TBC1D5: variants seen among roughly 807,000 people sequenced by gnomAD.
TBC1D5 encodes the protein TBC1 domain family, member 5.
TBC1D5 carries 75 observed loss-of-function variants against 100.3 expected under a neutral mutation model. The observed-to-expected ratio is 0.75, with a 90% CI of 0.62 to 0.91. The LOEUF (loss-of-function observed/expected upper bound fraction) is 0.91. Ranked by LOEUF, TBC1D5 falls within the 40% of genes least tolerant of loss-of-function variation. The pLI, the probability that TBC1D5 is intolerant of heterozygous loss-of-function variation, is 0.00. For missense variants in TBC1D5, 910 were observed against 942.4 expected, an observed-to-expected ratio of 0.97 and a Z score of 0.45; for synonymous variants, 323 against 325.6, an observed-to-expected ratio of 0.99 and a Z score of 0.09.
chr3:17,301,563 G>A (rs2082837843), intron 14 of TBC1D5, among the ~76,000 whole-genome samples: 1 of 152,138 alleles, frequency 6.6e-6, no homozygotes, highest in African/African-American at 2.4e-5. Context: ...TTGTAATGTG[G>A]TTCTGGTACC....
At chr3:17,391,208 C>T (rs1331519966) in intron 8 of TBC1D5, among the ~76,000 whole-genome samples, 2 of 152,104 alleles carry the variant, frequency 1.3e-5, no homozygotes, top group Non-Finnish European at 2.9e-5. Flanking sequence ...GGCATAAAAA[C>T]GACATAGCTT....
chr3:17,165,263 T>C (rs2066479647), intron 21 of TBC1D5, among the ~76,000 whole-genome samples: 1 of 152,234 alleles, frequency 6.6e-6, no homozygotes, highest in Admixed American at 6.5e-5. Context: ...AATCATTAAG[T>C]TCTAAATTTA....
At chr3:17,262,662 T>C (rs1488775470) in intron 15 of TBC1D5, among the ~76,000 whole-genome samples, 1 of 151,822 alleles carries the variant, frequency 6.6e-6, no homozygotes, top group Non-Finnish European at 1.5e-5. Context: ...TTTGTATTTT[T>C]AGTAGAGATG....
chr3:17,246,282 CCTAA>C (rs1190851140), intron 16 of TBC1D5, among the ~76,000 whole-genome samples: 3 of 151,902 alleles, frequency 2.0e-5, no homozygotes, highest in Non-Finnish European at 4.4e-5. Flanking sequence ...TTAAAGATGA[CCTAA>C]CTAAAGGATG....
chr3:17,638,899 T>C (rs557359414), intron 1 of TBC1D5, among the ~76,000 whole-genome samples: 36 of 152,210 alleles, frequency 2.4e-4, no homozygotes, highest in Non-Finnish European at 4.7e-4. Flanking sequence ...ATGGGGATCC[T>C]CATACATTGT....
chr3:17,354,315 C>A (rs917089173), intron 13 of TBC1D5, among the ~76,000 whole-genome samples: 16 of 152,108 alleles, frequency 1.1e-4, no homozygotes, highest in African/African-American at 3.9e-4. Context: ...CATTTACAAA[C>A]CTCTCCTTCT....
chr3:17,596,700 C>CAAAAA (rs34625799), intron 2 of TBC1D5, among the ~76,000 whole-genome samples: 2,247 of 44,824 alleles, frequency 0.05, 44 homozygotes, highest in Non-Finnish European at 0.084. Flanking sequence ...GACTCCATCT[C>CAAAAA]AAAAAAAAAA....
intron 15 of TBC1D5, among the ~76,000 whole-genome samples, chr3:17,290,840 G>A (rs1181188720): frequency 6.6e-6 from 1 of 152,154 alleles, no homozygotes; most frequent in African/African-American, 2.4e-5. Flanking sequence ...TAATGAAACT[G>A]CTTTGTGTAA....
At chr3:17,184,986 G>T in intron 19 of TBC1D5, 123 bp downstream of exon 20, 1 of 701,448 alleles carries the variant, frequency 1.4e-6, no homozygotes, top group Non-Finnish European at 2.3e-6. Flanking sequence ...TTATATAGCT[G>T]TTGTAAGGAT....
At chr3:17,447,552 A>G (rs1192536947) in intron 3 of TBC1D5, among the ~76,000 whole-genome samples, 1 of 152,248 alleles carries the variant, frequency 6.6e-6, no homozygotes, top group Non-Finnish European at 1.5e-5. Context: ...AGAAAGCTAA[A>G]GCTCCCACCT....
chr3:17,437,046 T>C (rs964238049), intron 3 of TBC1D5, among the ~76,000 whole-genome samples: 21 of 151,740 alleles, frequency 1.4e-4, no homozygotes, highest in African/African-American at 4.8e-4. Context: ...AGGAGAGCTC[T>C]ACACTTATGA....
At chr3:17,730,043 G>A (rs1413604734) in intron 1 of TBC1D5, among the ~76,000 whole-genome samples, 6 of 151,726 alleles carry the variant, frequency 4.0e-5, no homozygotes, top group Admixed American at 1.3e-4. Context: ...CCAGAGAGGC[G>A]GAGGTTGCAG....
At chr3:17,685,787 T>C (rs1239245781) in intron 1 of TBC1D5, among the ~76,000 whole-genome samples, 1 of 152,094 alleles carries the variant, frequency 6.6e-6, no homozygotes, top group Non-Finnish European at 1.5e-5. Flanking sequence ...AACTTACACT[T>C]CTTTTTCAAA....
At chr3:17,280,480 A>G (rs1157002986) in intron 15 of TBC1D5, among the ~76,000 whole-genome samples, 1 of 151,956 alleles carries the variant, frequency 6.6e-6, no homozygotes, top group Admixed American at 6.6e-5. Flanking sequence ...ACCCATAAAA[A>G]CCCCAGGTTC....
At chr3:17,455,105 T>C (rs2095027571) in intron 3 of TBC1D5, among the ~76,000 whole-genome samples, 1 of 148,284 alleles carries the variant, frequency 6.7e-6, no homozygotes, top group Non-Finnish European at 1.5e-5. Flanking sequence ...CTAAAATGTA[T>C]ATGGAACCAC....
chr3:17,453,059 CCAG>C lies in TBC1D5; in HGVS notation c.98-24543_98-24541del, dbSNP rs557944853. Among the ~76,000 whole-genome samples, 36 of 146,758 alleles carry C rather than the reference CCAG, an allele frequency of 2.5e-4. No individual in the cohort carries two copies. The East Asian group carries it at 7.1e-3, about 29-fold the overall frequency. On this transcript the variant is annotated intron_variant, in intron 3 of 21. Transcript: ENST00000253692. ...AATTAAACAATATGCTCCAGAAAGA[CCAG>C]CAGGTCAATGAAGAAATAAAAAAAA...
intron 2 of TBC1D5, among the ~76,000 whole-genome samples, chr3:17,621,045 A>G (rs2062616405): frequency 6.6e-6 from 1 of 152,188 alleles, no homozygotes; most frequent in African/African-American, 2.4e-5. Context: ...ATTTAGTTGA[A>G]CAAAAAAGTA....
chr3:17,543,854 GA>G (rs1332689518), intron 2 of TBC1D5, among the ~76,000 whole-genome samples: 1 of 151,608 alleles, frequency 6.6e-6, no homozygotes, highest in Non-Finnish European at 1.5e-5. Flanking sequence ...AATGGGGCCT[GA>G]AAAGTTGTTT....
At chr3:17,166,966 GA>G in intron 20 of TBC1D5, 38 bp from the exon 22 acceptor site, 1 of 1,558,784 alleles carries the variant, frequency 6.4e-7, no homozygotes, top group South Asian at 1.2e-5. Flanking sequence ...GAAAAAAATG[GA>G]TGAGTTTGTT....
Sources: allele counts gnomAD v4.1 joint callset (sites outside exome capture counted in the v4.1 genomes callset), GRCh38; gene constraint gnomAD v4.1.1; transcripts MANE v1.5; gene names NCBI Gene and HGNC (gene_info 2026-07-23, HGNC 2026-07-21).